Variants in RBMS3 observed in about 807,000 individuals in gnomAD.
The protein encoded by RBMS3 is RNA-binding motif, single-stranded-interacting protein 3.
A neutral mutation model predicts 66.8 loss-of-function variants in RBMS3; 27 were observed. The ratio of observed to expected loss-of-function variants is 0.40; its 90% CI spans 0.30 to 0.56. RBMS3 has a LOEUF of 0.56. RBMS3 is among the 20% of genes least tolerant of loss of function. The pLI is 0.40. For missense variants in RBMS3, 513 were observed against 549.5 expected (o/e 0.93, Z 0.66); for synonymous variants, 188 against 183.0 (o/e 1.03, Z -0.22).
chr3:29,897,424 A>G lies in RBMS3; in HGVS notation c.837A>G (p.Pro279=), dbSNP rs879172189. 11 of 1,611,156 alleles carry G rather than the reference A, an allele frequency of 6.8e-6. No individual in the cohort carries two copies. Among genetic ancestry groups the G allele is most frequent in the South Asian group, 6.6e-5 (6 of 91,018 alleles). ...GTATTGCAACCAACCGCATGATTCC[A>G]CAGACATCTATCACGCCATTCATTG... ...PYSIATNRMI[P]QTSITPFIAA... Residue 279 remains proline, a synonymous_variant, in exon 9 of 15, where the codon CCA becomes CCG. Transcript: ENST00000383767.
At chr3:29,467,346 T>C (rs1446700800) in intron 2 of RBMS3, among the ~76,000 whole-genome samples, 1 of 152,188 alleles carries the variant, frequency 6.6e-6, no homozygotes, top group African/African-American at 2.4e-5. Context: ...TCTTGACTCT[T>C]AACACAAAAT....
At chr3:29,906,890 A>T (rs995017297) in intron 10 of RBMS3, among the ~76,000 whole-genome samples, 1 of 152,158 alleles carries the variant, frequency 6.6e-6, no homozygotes, top group Non-Finnish European at 1.5e-5. Flanking sequence ...ACCATTTACC[A>T]AAATGATATC....
At chr3:29,293,742 T>TCCTGTAG (rs1349590883) in intron 1 of RBMS3, among the ~76,000 whole-genome samples, 7 of 151,616 alleles carry the variant, frequency 4.6e-5, no homozygotes, top group African/African-American at 9.7e-5. Flanking sequence ...TAGCTTCTAC[T>TCCTGTAG]CCTGTAGCCC....
intron 10 of RBMS3, among the ~76,000 whole-genome samples, chr3:29,905,243 G>GA (rs2060348783): frequency 6.6e-6 from 1 of 151,900 alleles, no homozygotes; most frequent in Non-Finnish European, 1.5e-5. Flanking sequence ...GGCCACATTT[G>GA]ACTCACAGCC....
At chr3:29,653,018 G>A (rs1373814182) in intron 4 of RBMS3, among the ~76,000 whole-genome samples, 3 of 152,086 alleles carry the variant, frequency 2.0e-5, no homozygotes, top group African/African-American at 7.2e-5. Context: ...TTCCAAATAA[G>A]CTGATTAAGA....
chr3:29,444,241 A>G (rs187855751), intron 2 of RBMS3, among the ~76,000 whole-genome samples: 124 of 152,198 alleles, frequency 8.1e-4, no homozygotes, highest in Admixed American at 3.1e-3. Context: ...TTCATATTAC[A>G]TATGTTAACT....
intron 1 of RBMS3, among the ~76,000 whole-genome samples, chr3:29,377,220 A>G (rs937114390): frequency 6.6e-6 from 1 of 152,182 alleles, no homozygotes; most frequent in African/African-American, 2.4e-5. Context: ...TTAATGAGCA[A>G]TTCCTGCTAT....
intron 6 of RBMS3, among the ~76,000 whole-genome samples, chr3:29,807,832 C>G (rs1463729659): frequency 6.6e-6 from 1 of 151,348 alleles, no homozygotes; most frequent in Non-Finnish European, 1.5e-5. Flanking sequence ...TATATTTGGG[C>G]AATGGAAAAA....
chr3:29,660,407 C>T (rs1177048556), intron 4 of RBMS3, among the ~76,000 whole-genome samples: 1 of 152,188 alleles, frequency 6.6e-6, no homozygotes, highest in African/African-American at 2.4e-5. Context: ...CTTTCACTTT[C>T]TATCTGTGTC....
chr3:29,354,776 A>G (rs2125565801), intron 1 of RBMS3, among the ~76,000 whole-genome samples: 1 of 152,224 alleles, frequency 6.6e-6, no homozygotes, highest in South Asian at 2.1e-4. Flanking sequence ...TCTTGCCCAG[A>G]TGATACTTAT....
intron 1 of RBMS3, among the ~76,000 whole-genome samples, chr3:29,325,639 T>TAC (rs1372892644): frequency 1.1e-4 from 7 of 65,758 alleles, no homozygotes; most frequent in South Asian, 4.8e-4. Flanking sequence ...TGTATATATA[T>TAC]ACACATACAC....
intron 3 of RBMS3, among the ~76,000 whole-genome samples, chr3:29,511,352 G>A (rs977928551): frequency 7.9e-5 from 12 of 152,136 alleles, no homozygotes; most frequent in Non-Finnish European, 2.9e-5. Context: ...AAAAATAAGT[G>A]TGATTCTCAA....
At chr3:29,516,650 C>T (rs957757013) in intron 3 of RBMS3, among the ~76,000 whole-genome samples, 6 of 151,960 alleles carry the variant, frequency 3.9e-5, no homozygotes, top group African/African-American at 1.5e-4. Flanking sequence ...ATTCCTGGCC[C>T]CAAGCTATCC....
At chr3:29,671,140 G>T (rs2050982959) in intron 4 of RBMS3, among the ~76,000 whole-genome samples, 2 of 152,222 alleles carry the variant, frequency 1.3e-5, no homozygotes, top group African/African-American at 4.8e-5. Flanking sequence ...GGCCAAGAGG[G>T]TCTGTACTGG....
At chr3:29,776,757 A>G (rs767741773) in intron 6 of RBMS3, among the ~76,000 whole-genome samples, 1 of 151,962 alleles carries the variant, frequency 6.6e-6, no homozygotes, top group African/African-American at 2.4e-5. Context: ...GATGAGCATT[A>G]TCTGGTACAT....
In RBMS3 at chr3:29,557,320, T is replaced by C. The variant is rs117862330; in HGVS notation, c.308-29794T>C. On this transcript the variant is annotated intron_variant, in intron 3 of 14. Coordinates refer to ENST00000383767, the MANE Select transcript of RBMS3 (RefSeq NM_001003793.3). Reference sequence around the variant, plus strand: ...CAGTAACTAAAATTCAACAACCAGATTGCCTGTGTGTATGTTGTTTTTCAA... The same window carrying C: ...CAGTAACTAAAATTCAACAACCAGACTGCCTGTGTGTATGTTGTTTTTCAA... Among the ~76,000 whole-genome samples the C allele has an allele frequency of 4.5e-4, 69 of 152,208 alleles. No homozygotes were observed. In the East Asian group the frequency reaches 0.01, roughly 23 times the overall value.
chr3:29,992,414 G>A (rs1452620416), intron 14 of RBMS3, among the ~76,000 whole-genome samples: 10 of 152,104 alleles, frequency 6.6e-5, no homozygotes, highest in East Asian at 3.9e-4. Context: ...GTGAAACCCC[G>A]TCTCTACTAA....
Position 30,004,257 on chromosome 3 carries a change from G to A in RBMS3, c.*395G>A, listed in dbSNP as rs553570666. The A allele has an allele frequency of 6.4e-6, 1 of 157,424 alleles. No homozygotes were observed. Among genetic ancestry groups the A allele is most frequent in the East Asian group, 1.8e-4 (1 of 5,620 alleles). 9.8% of individuals were successfully genotyped at this position (157,424 alleles called of 1,614,324 possible). A position where few individuals can be genotyped will look rare whatever the true frequency, so the allele number is the denominator to read the frequency against. ...ACCTGATGTCAAGAGGTGGGCAATA[G>A]AAATGGAAACAAATTGTCTTCCTCA... On this transcript the variant is annotated 3_prime_UTR_variant, in exon 15 of 15. Transcript: ENST00000383767.
intron 1 of RBMS3, among the ~76,000 whole-genome samples, chr3:29,413,209 A>G (rs1047798217): frequency 2.0e-5 from 3 of 152,124 alleles, no homozygotes; most frequent in Non-Finnish European, 2.9e-5. Context: ...TCTCTATTAA[A>G]AATACAAAAA....
Sources: allele counts gnomAD v4.1 joint callset (sites outside exome capture counted in the v4.1 genomes callset), GRCh38; gene constraint gnomAD v4.1.1; transcripts MANE v1.5; gene names NCBI Gene and HGNC (gene_info 2026-07-23, HGNC 2026-07-21).